PCLO: variants seen among roughly 807,000 people sequenced by gnomAD.
The protein encoded by PCLO is protein piccolo.
Under a neutral mutation model 427.5 loss-of-function variants are expected in PCLO, and 82 were observed. The observed-to-expected ratio is 0.19, with a 90% CI of 0.16 to 0.23. The LOEUF is 0.23. PCLO is among the 10% of genes least tolerant of loss of function. PCLO has a pLI of 1.00. For synonymous variants in PCLO, 2,357 were observed against 2,155.4 expected (o/e 1.09, Z -2.59); for missense variants, 6,239 against 6,115.9 (o/e 1.02, Z -0.67).
intron 22 of PCLO, among the ~76,000 whole-genome samples, chr7:82,790,120 G>A (rs991943449): frequency 6.6e-6 from 1 of 151,996 alleles, no homozygotes; most frequent in Non-Finnish European, 1.5e-5. Context: ...CTCTGCCCCT[G>A]CTTGCATTCC....
At chr7:82,866,391 CTG>C (rs1460897125) in intron 10 of PCLO, among the ~76,000 whole-genome samples, 1 of 151,908 alleles carries the variant, frequency 6.6e-6, no homozygotes, top group Non-Finnish European at 1.5e-5. Context: ...TTGTTATAAT[CTG>C]TCTTAGCTAT....
At chr7:83,038,942 G>C (rs1313760321) in intron 3 of PCLO, among the ~76,000 whole-genome samples, 1 of 151,966 alleles carries the variant, frequency 6.6e-6, no homozygotes, top group Non-Finnish European at 1.5e-5. Context: ...GTATGAAGTA[G>C]TATCTCACTG....
intron 21 of PCLO, 116 bp from the exon 22 acceptor site, chr7:82,801,707 T>G (rs970867547): frequency 1.6e-6 from 1 of 633,106 alleles, no homozygotes; most frequent in African/African-American, 1.8e-5. Context: ...GCAATTACTT[T>G]TGCACAACCG....
intron 1 of PCLO, among the ~76,000 whole-genome samples, chr7:83,157,704 G>A (rs1792336129): frequency 6.6e-6 from 1 of 151,726 alleles, no homozygotes; most frequent in South Asian, 2.1e-4. Flanking sequence ...TGATAAAGTT[G>A]CAGCTAAAAG....
intron 19 of PCLO, among the ~76,000 whole-genome samples, chr7:82,824,030 A>T (rs969964743): frequency 6.6e-6 from 1 of 152,206 alleles, no homozygotes; most frequent in African/African-American, 2.4e-5. Context: ...AGTGAAGATT[A>T]CAAAGTACTA....
intron 9 of PCLO, among the ~76,000 whole-genome samples, chr7:82,893,184 C>T (rs2116134345): frequency 6.6e-6 from 1 of 152,084 alleles, no homozygotes; most frequent in East Asian, 1.9e-4. Context: ...AAATGTCCAA[C>T]AATGATAGAC....
chr7:82,978,313 T>C (rs1417321356), intron 3 of PCLO, among the ~76,000 whole-genome samples: 1 of 152,094 alleles, frequency 6.6e-6, no homozygotes, highest in Non-Finnish European at 1.5e-5. Flanking sequence ...AATATGGGGC[T>C]AATTGTTAAA....
chr7:82,805,676 A>G lies in PCLO; in HGVS notation c.14933+12T>C. Reference sequence around the variant, plus strand: ...GAGTAAGCTTTGTAGTAACAAAAAGAGACCCACTTACATCCTCGGAATAGG... The same window carrying G: ...GAGTAAGCTTTGTAGTAACAAAAAGGGACCCACTTACATCCTCGGAATAGG... On this transcript the variant is annotated intron_variant, in intron 21 of 24. Coordinates refer to ENST00000333891, the MANE Select transcript of PCLO (RefSeq NM_033026.6). 1 of 1,611,528 alleles carries G rather than the reference A, an allele frequency of 6.2e-7. No homozygotes were observed. Among genetic ancestry groups the G allele is most frequent in the African/African-American group, 1.3e-5 (1 of 74,998 alleles).
At chr7:82,856,104 G>A (rs10227380) in intron 10 of PCLO, among the ~76,000 whole-genome samples, 1,803 of 152,114 alleles carry the variant, frequency 0.012, 32 homozygotes, top group African/African-American at 0.039. Context: ...GATGTACAGA[G>A]GCCCAAACTC....
At chr7:82,886,630 G>A (rs1793634064) in intron 9 of PCLO, among the ~76,000 whole-genome samples, 1 of 152,114 alleles carries the variant, frequency 6.6e-6, no homozygotes, top group Non-Finnish European at 1.5e-5. Flanking sequence ...TGCCTTCGGT[G>A]AAGGAGGTAT....
At chr7:82,774,872 C>T (rs939671310) in intron 22 of PCLO, among the ~76,000 whole-genome samples, 1 of 152,146 alleles carries the variant, frequency 6.6e-6, no homozygotes, top group African/African-American at 2.4e-5. Context: ...TTACTGCCCC[C>T]CAAGTCTTCT....
chr7:83,077,316 C>A (rs1011554962), intron 3 of PCLO, among the ~76,000 whole-genome samples: 1 of 151,974 alleles, frequency 6.6e-6, no homozygotes, highest in Non-Finnish European at 1.5e-5. Flanking sequence ...GCAAAGGGCT[C>A]GTTCTTAGTC....
intron 22 of PCLO, among the ~76,000 whole-genome samples, chr7:82,792,954 C>T (rs1791136671): frequency 6.6e-6 from 1 of 151,070 alleles, no homozygotes; most frequent in Non-Finnish European, 1.5e-5. Flanking sequence ...AAATTTGGTT[C>T]TTATATGGCA....
chr7:82,909,537 C>A (rs766917798), intron 7 of PCLO, among the ~76,000 whole-genome samples: 3 of 150,940 alleles, frequency 2.0e-5, no homozygotes, highest in Non-Finnish European at 4.4e-5. Flanking sequence ...AAGTATAATA[C>A]AAAAATTAAA....
chr7:83,025,657 T>C (rs903701503), intron 3 of PCLO, among the ~76,000 whole-genome samples: 10 of 150,898 alleles, frequency 6.6e-5, no homozygotes, highest in African/African-American at 1.9e-4. Flanking sequence ...AATTGTCAGA[T>C]TCACCAAAGT....
intron 3 of PCLO, among the ~76,000 whole-genome samples, chr7:83,070,023 T>C (rs1789772297): frequency 6.6e-6 from 1 of 152,102 alleles, no homozygotes; most frequent in Admixed American, 6.6e-5. Flanking sequence ...GAATTGGTTA[T>C]AGAAGATATG....
At chr7:83,139,093 A>G (rs2116631159) in intron 2 of PCLO, among the ~76,000 whole-genome samples, 1 of 152,328 alleles carries the variant, frequency 6.6e-6, no homozygotes. Context: ...AAGCCTCGTC[A>G]TATTTTCTAA....
chr7:82,756,346 C>G lies in PCLO; in HGVS notation c.*2229G>C, dbSNP rs373321667. 2.0e-5 allele frequency: 3 copies of G among 152,082 alleles called. No individual in the cohort carries two copies. 9.4% of individuals were successfully genotyped at this position (152,082 alleles called of 1,614,324 possible). A position where few individuals can be genotyped will look rare whatever the true frequency, so the allele number is the denominator to read the frequency against. On this transcript the variant is annotated 3_prime_UTR_variant, in exon 25 of 25. Transcript: ENST00000333891. ...ATATCCATGGCAACCATCAGCAGAT[C>G]TAATAGTTTCTAAAAATAAAATACT...
At chr7:83,078,197 CAT>C (rs1326710828) in intron 3 of PCLO, among the ~76,000 whole-genome samples, 3 of 152,056 alleles carry the variant, frequency 2.0e-5, no homozygotes, top group Non-Finnish European at 4.4e-5. Context: ...AATCAACAAA[CAT>C]ATATTATTAA....
Sources: gnomAD v4.1 joint callset for allele counts (sites outside exome capture counted in the v4.1 genomes callset) on GRCh38, gnomAD v4.1.1 for gene constraint, MANE v1.5 for transcripts, NCBI Gene and HGNC (gene_info 2026-07-23, HGNC 2026-07-21) for gene names.